The following CPNE8 variants were observed in gnomAD, a reference collection of about 807,000 sequenced individuals.
CPNE8 encodes copine-8.
Under a neutral mutation model 81.5 loss-of-function variants are expected in CPNE8, and 45 were observed. The ratio of observed to expected loss-of-function variants is 0.55; its 90% CI spans 0.44 to 0.71. The LOEUF (loss-of-function observed/expected upper bound fraction) is 0.71, where lower values mean the gene tolerates loss of function less well. CPNE8 is among the 30% of genes least tolerant of loss of function. CPNE8 has a pLI of 0.00. For missense variants in CPNE8, 594 were observed against 672.1 expected, an observed-to-expected ratio of 0.88 and a Z score of 1.28; for synonymous variants, 252 against 226.3, an observed-to-expected ratio of 1.11 and a Z score of -1.02.
chr12:38,695,039 C>G (rs987920655), intron 14 of CPNE8, among the ~76,000 whole-genome samples: 1 of 152,090 alleles, frequency 6.6e-6, no homozygotes, highest in Non-Finnish European at 1.5e-5. Flanking sequence ...CTCCACATAA[C>G]AAAATCACTA....
intron 1 of CPNE8, among the ~76,000 whole-genome samples, chr12:38,879,180 T>C (rs1044170280): frequency 6.6e-6 from 1 of 152,124 alleles, no homozygotes; most frequent in Admixed American, 6.5e-5. Context: ...ATGCACACTG[T>C]GGTGGAGCCA....
upstream of CPNE8, chr12:38,906,336 G>T: frequency 1.0e-6 from 1 of 985,500 alleles, no homozygotes; most frequent in African/African-American, 1.7e-5. Flanking sequence ...TGGGGGCGGG[G>T]GGGCGGACTC....
chr12:38,839,505 A>G lies in CPNE8; in HGVS notation c.330+411T>C, dbSNP rs1377781425. The stretch of plus-strand genomic sequence containing the variant: ...TGGCATATATAGATATTCAGGAAAT[A>G]TTGGTAAATAAACAAACTACAAAAA... On this transcript the variant is annotated intron_variant, in intron 5 of 19. Transcript: ENST00000331366. Among the ~76,000 whole-genome samples the G allele has an allele frequency of 2.0e-5, 3 of 151,630 alleles. No homozygotes were observed. In the East Asian group the frequency reaches 5.9e-4, roughly 30 times the overall value.
intron 14 of CPNE8, among the ~76,000 whole-genome samples, chr12:38,699,740 C>T (rs566446303): frequency 2.3e-4 from 35 of 152,044 alleles, no homozygotes; most frequent in South Asian, 4.2e-4. Flanking sequence ...GCATTTTCTG[C>T]GAGTGCAGGT....
At chr12:38,776,831 C>T (rs1941948417) in intron 6 of CPNE8, among the ~76,000 whole-genome samples, 1 of 152,068 alleles carries the variant, frequency 6.6e-6, no homozygotes, top group African/African-American at 2.4e-5. Flanking sequence ...GATGTAATAT[C>T]TTAGCACAGA....
intron 11 of CPNE8, among the ~76,000 whole-genome samples, chr12:38,729,784 T>G (rs770112026): frequency 9.9e-5 from 15 of 152,038 alleles, no homozygotes; most frequent in Admixed American, 2.0e-4. Flanking sequence ...CACAGTGGTG[T>G]TAGGCAGAAA....
chr12:38,754,269 C>G (rs1941412579), intron 10 of CPNE8, among the ~76,000 whole-genome samples: 1 of 152,118 alleles, frequency 6.6e-6, no homozygotes, highest in Non-Finnish European at 1.5e-5. Flanking sequence ...TGAAATACCA[C>G]TTTCAAAAAT....
At chr12:38,854,348 A>AT (rs1034892697) in intron 3 of CPNE8, among the ~76,000 whole-genome samples, 2 of 124,044 alleles carry the variant, frequency 1.6e-5, no homozygotes, top group South Asian at 2.5e-4. Flanking sequence ...TATCCGAGGC[A>AT]TTTTTTTCAC....
intron 10 of CPNE8, among the ~76,000 whole-genome samples, chr12:38,754,145 C>T (rs1356023048): frequency 2.0e-5 from 3 of 152,088 alleles, no homozygotes; most frequent in Non-Finnish European, 4.4e-5. Context: ...CGGACCTGAA[C>T]AGAATATCAA....
intron 15 of CPNE8, among the ~76,000 whole-genome samples, chr12:38,689,522 TC>T (rs1939619604): frequency 6.6e-6 from 1 of 152,202 alleles, no homozygotes; most frequent in East Asian, 1.9e-4. Context: ...AGAGAATTCT[TC>T]CTTTTATTCA....
Position 38,695,371 on chromosome 12 carries a change from C to A in CPNE8, c.962-1533G>T, listed in dbSNP as rs1215890402. Among the ~76,000 whole-genome samples, 4 of 152,168 alleles carry A rather than the reference C, an allele frequency of 2.6e-5. No individual in the cohort carries two copies. The East Asian group carries it at 7.7e-4, about 29-fold the overall frequency. On this transcript the variant is annotated intron_variant, in intron 14 of 19. Coordinates refer to ENST00000331366, the MANE Select transcript of CPNE8 (RefSeq NM_153634.3). ...TTAGCAAACAGAGATGGCCTAAGCA[C>A]ACAAACCAACTTCCGGGCTAATGTC...
At chr12:38,864,194 G>C (rs1348008845) in intron 3 of CPNE8, among the ~76,000 whole-genome samples, 1 of 152,128 alleles carries the variant, frequency 6.6e-6, no homozygotes, top group African/African-American at 2.4e-5. Context: ...CTGTTGAGCT[G>C]TGTAATGCTA....
intron 7 of CPNE8, 22 bp from the exon 8 acceptor site, chr12:38,767,760 C>T: frequency 1.4e-6 from 2 of 1,450,686 alleles, no homozygotes; most frequent in Non-Finnish European, 1.9e-6. Flanking sequence ...ATTAATAAAA[C>T]AGTTCAAGAT....
intron 6 of CPNE8, among the ~76,000 whole-genome samples, chr12:38,817,686 C>T (rs1004464380): frequency 2.5e-5 from 3 of 117,970 alleles, no homozygotes; most frequent in Non-Finnish European, 3.2e-5. Flanking sequence ...TGCAGTGGTT[C>T]GATCTCAGCT....
intron 1 of CPNE8, among the ~76,000 whole-genome samples, chr12:38,894,282 A>G (rs1368214005): frequency 6.6e-6 from 1 of 152,176 alleles, no homozygotes; most frequent in Non-Finnish European, 1.5e-5. Context: ...ATTATAAGAT[A>G]TGTCTTAAGT....
chr12:38,764,388 C>T (rs559734822), intron 8 of CPNE8, among the ~76,000 whole-genome samples: 142 of 151,712 alleles, frequency 9.4e-4, no homozygotes, highest in African/African-American at 3.3e-3. Context: ...GAGGCCGAGG[C>T]GGGCGGATCA....
chr12:38,884,348 T>G (rs914962663), intron 1 of CPNE8, among the ~76,000 whole-genome samples: 3 of 152,234 alleles, frequency 2.0e-5, no homozygotes, highest in Non-Finnish European at 2.9e-5. Flanking sequence ...TTTTGAAGAT[T>G]CAGCCATGTT....
chr12:38,662,213 G>C (rs141443358), intron 19 of CPNE8, among the ~76,000 whole-genome samples: 1,971 of 152,238 alleles, frequency 0.013, 29 homozygotes, highest in South Asian at 0.042. Context: ...AAGAGATTAA[G>C]TTATTTCTGT....
chr12:38,653,732 A>T lies in CPNE8; in HGVS notation c.*150T>A. 2.6e-6 allele frequency: 3 copies of T among 1,160,676 alleles called. No individual in the cohort carries two copies. Among genetic ancestry groups the T allele is most frequent in the Non-Finnish European group, 3.4e-6 (3 of 888,618 alleles). The allele number at this position is 1,160,676 out of a possible 1,614,324, so 71.9% of individuals were successfully genotyped here. ...ATATTTACAGTTTTGGTTTAGGAAG[A>T]TATTTAAATTTGGATCCAAGAAAGC... On this transcript the variant is annotated 3_prime_UTR_variant, in exon 20 of 20. Coordinates refer to ENST00000331366, the MANE Select transcript of CPNE8 (RefSeq NM_153634.3).
Sources: allele counts gnomAD v4.1 joint callset (sites outside exome capture counted in the v4.1 genomes callset), GRCh38; gene constraint gnomAD v4.1.1; transcripts MANE v1.5; gene names NCBI Gene and HGNC (gene_info 2026-07-23, HGNC 2026-07-21).